The following SOX5 variants were observed in gnomAD, a reference collection of about 807,000 sequenced individuals.
SOX5 encodes the protein SRY-box transcription factor 5, also known as transcription factor SOX-5.
SOX5 carries 9 observed loss-of-function variants against 92.0 expected under a neutral mutation model. The ratio of observed to expected loss-of-function variants is 0.10; its 90% confidence interval spans 0.06 to 0.17. SOX5 has a LOEUF of 0.17. Ranked by LOEUF, SOX5 falls within the 10% of genes least tolerant of loss-of-function variation. The pLI is 1.00. For synonymous variants in SOX5, 344 were observed against 336.3 expected, an observed-to-expected ratio of 1.02 and a Z score of -0.25; for missense variants, 642 against 944.5, an observed-to-expected ratio of 0.68 and a Z score of 4.20.
At chr12:24,206,944 C>G (rs1958082504) in intron 4 of SOX5, among the ~76,000 whole-genome samples, 1 of 152,226 alleles carries the variant, frequency 6.6e-6, no homozygotes, top group Admixed American at 6.5e-5. Flanking sequence ...CTGTGCCGAA[C>G]ACCTGTGTCA....
At chr12:24,200,514 A>G (rs1170281732) in intron 4 of SOX5, among the ~76,000 whole-genome samples, 3 of 151,852 alleles carry the variant, frequency 2.0e-5, no homozygotes, top group African/African-American at 7.3e-5. Flanking sequence ...AATTTGATCT[A>G]CGCTGCCGTG....
At chr12:23,962,134 G>T (rs1329999537) in intron 4 of SOX5, among the ~76,000 whole-genome samples, 2 of 152,074 alleles carry the variant, frequency 1.3e-5, no homozygotes, top group East Asian at 3.9e-4. Flanking sequence ...TTTATTTCAT[G>T]AGTATAAAAG....
intron 4 of SOX5, among the ~76,000 whole-genome samples, chr12:23,967,828 T>C (rs1365714926): frequency 6.6e-6 from 1 of 152,198 alleles, no homozygotes; most frequent in Non-Finnish European, 1.5e-5. Flanking sequence ...TTGGTGTTCC[T>C]AAATAGAAAA....
chr12:23,625,655 G>C (rs1429629046), intron 8 of SOX5, among the ~76,000 whole-genome samples: 1 of 152,144 alleles, frequency 6.6e-6, no homozygotes, highest in Non-Finnish European at 1.5e-5. Context: ...CGTTGCCCAG[G>C]CTGGTGTGCG....
At chr12:24,270,260 C>T (rs1242657626) in intron 3 of SOX5, among the ~76,000 whole-genome samples, 2 of 151,930 alleles carry the variant, frequency 1.3e-5, no homozygotes, top group African/African-American at 4.8e-5. Context: ...AGGGTTTCAC[C>T]ATCTTAGCCA....
chr12:24,072,815 G>GT (rs1941979774), intron 4 of SOX5, among the ~76,000 whole-genome samples: 1 of 152,146 alleles, frequency 6.6e-6, no homozygotes, highest in Admixed American at 6.5e-5. Context: ...CATTGTTTCT[G>GT]TTTTGAATGC....
intron 7 of SOX5, among the ~76,000 whole-genome samples, chr12:23,644,700 T>G (rs1260707611): frequency 6.6e-6 from 1 of 152,208 alleles, no homozygotes; most frequent in East Asian, 1.9e-4. Flanking sequence ...GGACAACCAA[T>G]ATTACATAAT....
intron 2 of SOX5, among the ~76,000 whole-genome samples, chr12:24,307,790 A>AGGAAGGAAGGAAGGAAGGAAGGAG (rs1292274699): frequency 1.4e-5 from 2 of 143,196 alleles, no homozygotes; most frequent in African/African-American, 2.6e-5. Flanking sequence ...GAAGGAAGGA[A>AGGAAGGAAGGAAGGAAGGAAGGAG]GGAGGGAGGG....
At chr12:24,402,051 A>T (rs1307026902) in intron 1 of SOX5, among the ~76,000 whole-genome samples, 1 of 152,192 alleles carries the variant, frequency 6.6e-6, no homozygotes, top group Non-Finnish European at 1.5e-5. Flanking sequence ...GCCTAGAGAG[A>T]GTTCACAATA....
intron 6 of SOX5, among the ~76,000 whole-genome samples, chr12:23,716,782 G>A (rs1567188621): frequency 1.3e-5 from 2 of 152,182 alleles, no homozygotes; most frequent in Non-Finnish European, 2.9e-5. Context: ...GAGAATCAAT[G>A]ACATTAAGTG....
chr12:23,593,209 C>T lies in SOX5; in HGVS notation c.1164+11178G>A, dbSNP rs181877530. 6.1e-3 allele frequency among the ~76,000 whole-genome samples: 936 copies of T among 152,276 alleles called. 2 individuals are homozygous for T. Among genetic ancestry groups the T allele is most frequent in the Non-Finnish European group, 0.011 (716 of 68,020 alleles). ...ACATAAGACAAGGAATATGTGCCTA[C>T]GAATTCCCCTGATCATATTACACAG... is the stretch of plus-strand genomic sequence containing the variant. On this transcript the variant is annotated intron_variant, in intron 9 of 14. Transcript: ENST00000451604.
At position 24,307,727 on chromosome 12, in the gene SOX5, A is replaced by T. The variant is rs112359122; in HGVS notation, c.-173-30415T>A. On this transcript the variant is annotated intron_variant, in intron 2 of 4. Transcript: ENST00000446891. ...GCATAATATGGCTCTACAGAGACAC[A>T]GAAAAAGTATTATTGGATTCTTCAG... Among the ~76,000 whole-genome samples the T allele has an allele frequency of 3.0e-3, 93 of 31,344 alleles. 22 individuals carry two copies. The highest frequency in any genetic ancestry group is 5.7e-3 in the African/African-American group (90 of 15,654). 20.6% of individuals were successfully genotyped at this position (31,344 alleles called of 152,430 possible).
At chr12:23,605,031 C>CA (rs1016693187) in intron 8 of SOX5, among the ~76,000 whole-genome samples, 21 of 75,212 alleles carry the variant, frequency 2.8e-4, no homozygotes, top group African/African-American at 4.2e-4. Context: ...TGAAAGGCAA[C>CA]GGGAAAAAAG....
intron 1 of SOX5, among the ~76,000 whole-genome samples, chr12:24,416,882 G>T (rs11047429): frequency 0.03 from 4,635 of 152,194 alleles, 226 homozygotes; most frequent in African/African-American, 0.1. Flanking sequence ...ATGCTAACCA[G>T]AATAATTGTC....
intron 2 of SOX5, among the ~76,000 whole-genome samples, chr12:24,338,634 T>C (rs894097721): frequency 3.9e-5 from 6 of 152,210 alleles, no homozygotes; most frequent in Non-Finnish European, 7.3e-5. Context: ...TACATTGAAC[T>C]GTAGCTCCCA....
chr12:23,592,791 A>T (rs1305518102), intron 9 of SOX5, among the ~76,000 whole-genome samples: 2 of 152,124 alleles, frequency 1.3e-5, no homozygotes, highest in Non-Finnish European at 2.9e-5. Flanking sequence ...ATATAAAATT[A>T]CTCTGGGCTG....
chr12:23,645,465 C>G (rs933980976), intron 7 of SOX5, among the ~76,000 whole-genome samples: 1 of 152,080 alleles, frequency 6.6e-6, no homozygotes, highest in Admixed American at 6.5e-5. Flanking sequence ...TTTTAAGAAG[C>G]CTCATTAAAG....
chr12:24,487,771 C>A (rs760334225), intron 1 of SOX5, among the ~76,000 whole-genome samples: 19 of 152,146 alleles, frequency 1.2e-4, no homozygotes, highest in Non-Finnish European at 2.4e-4. Flanking sequence ...ACAACTTCTG[C>A]CTGTTTTACT....
chr12:23,877,699 A>G (rs2096942776), intron 2 of SOX5, among the ~76,000 whole-genome samples: 1 of 152,140 alleles, frequency 6.6e-6, no homozygotes, highest in Non-Finnish European at 1.5e-5. Context: ...AAATTGGGAT[A>G]TACTATGAAT....
Sources: gnomAD v4.1 joint callset for allele counts (sites outside exome capture counted in the v4.1 genomes callset) on GRCh38, gnomAD v4.1.1 for gene constraint, MANE v1.5 for transcripts, NCBI Gene and HGNC (gene_info 2026-07-23, HGNC 2026-07-21) for gene names.